Variants in CAMTA1 observed in about 807,000 individuals in gnomAD.
The protein encoded by CAMTA1 is calmodulin-binding transcription activator 1.
Under a neutral mutation model 170.9 loss-of-function variants are expected in CAMTA1, and 27 were observed. The observed-to-expected ratio is 0.16, with a 90% CI of 0.12 to 0.22. The LOEUF (loss-of-function observed/expected upper bound fraction) is 0.22, where lower values mean the gene tolerates loss of function less well. CAMTA1 is among the 10% of genes least tolerant of loss of function. CAMTA1 has a pLI of 1.00. For missense variants in CAMTA1, 1,619 were observed against 2,217.2 expected (o/e 0.73, Z 5.42); for synonymous variants, 833 against 891.5 (o/e 0.93, Z 1.17).
chr1:7,212,073 A>T (rs1658872998), intron 4 of CAMTA1, among the ~76,000 whole-genome samples: 1 of 152,236 alleles, frequency 6.6e-6, no homozygotes, highest in Non-Finnish European at 1.5e-5. Flanking sequence ...TGAAGAAAGC[A>T]AACCTACCAA....
rs894255301 is a variant in CAMTA1, at chr1:7,093,974, C to T, written c.302+2603C>T. Among the ~76,000 whole-genome samples, 1 of 152,160 alleles carries T rather than the reference C, an allele frequency of 6.6e-6. No individual in the cohort carries two copies. The highest frequency in any genetic ancestry group is 1.5e-5 in the Non-Finnish European group (1 of 68,028). ...ACGTTTCTGATTCTGCTTCCCATGC[C>T]GTCGGGTCTGTCCATGCACAGGTGT... On this transcript the variant is annotated intron_variant, in intron 4 of 22. Transcript: ENST00000303635. This position sits in a 1 kb window ranked among gnomAD's most constrained non-coding sequence, Gnocchi z 4.6.
intron 22 of CAMTA1, among the ~76,000 whole-genome samples, chr1:7,759,511 T>G (rs1243318789): frequency 6.6e-6 from 1 of 152,204 alleles, no homozygotes; most frequent in Non-Finnish European, 1.5e-5. Context: ...GGTTTTTGGT[T>G]GTTTTGTTTT....
intron 6 of CAMTA1, among the ~76,000 whole-genome samples, chr1:7,639,414 A>T (rs1340116194): frequency 1.3e-5 from 2 of 152,146 alleles, no homozygotes; most frequent in African/African-American, 4.8e-5. Context: ...GGGTGACAGA[A>T]GAGCTCTTCC....
chr1:6,823,150 G>A (rs1364939322), intron 2 of CAMTA1, among the ~76,000 whole-genome samples: 1 of 152,034 alleles, frequency 6.6e-6, no homozygotes, highest in Non-Finnish European at 1.5e-5. Flanking sequence ...ACATATCATG[G>A]GGGATTTTAA....
chr1:7,164,465 G>A (rs1180006654), intron 4 of CAMTA1, among the ~76,000 whole-genome samples: 4 of 152,330 alleles, frequency 2.6e-5, no homozygotes, highest in African/African-American at 4.8e-5. Context: ...AGCGTGGCCC[G>A]TGTTTGGGCT....
intron 4 of CAMTA1, among the ~76,000 whole-genome samples, chr1:7,120,165 C>G (rs1382670596): frequency 2.0e-5 from 3 of 152,196 alleles, no homozygotes; most frequent in Non-Finnish European, 4.4e-5. Flanking sequence ...ACAAATTACC[C>G]CACACTGAGT....
chr1:6,833,301 A>C (rs753155076), intron 3 of CAMTA1, among the ~76,000 whole-genome samples: 2 of 152,230 alleles, frequency 1.3e-5, no homozygotes, highest in Non-Finnish European at 2.9e-5. Flanking sequence ...TAACCTGGCC[A>C]TAGTCAGTGT....
chr1:7,125,424 C>T (rs1054551901), intron 4 of CAMTA1, among the ~76,000 whole-genome samples: 5 of 152,108 alleles, frequency 3.3e-5, no homozygotes, highest in Admixed American at 6.5e-5. Context: ...TGTGAAAGTT[C>T]GGAGTGATTG....
intron 3 of CAMTA1, among the ~76,000 whole-genome samples, chr1:6,877,329 G>T (rs1401466016): frequency 6.6e-6 from 1 of 152,190 alleles, no homozygotes; most frequent in East Asian, 1.9e-4. Flanking sequence ...GCACCACCAA[G>T]TGGGCTGCTT....
chr1:7,174,278 A>C (rs1162423609), intron 4 of CAMTA1, among the ~76,000 whole-genome samples: 1 of 152,250 alleles, frequency 6.6e-6, no homozygotes, highest in Admixed American at 6.5e-5. Flanking sequence ...ACTATCAACA[A>C]GGAAAATTTA....
Position 7,234,500 on chromosome 1 carries a change from G to A in CAMTA1, c.303-14991G>A, listed in dbSNP as rs1176009593. Among the ~76,000 whole-genome samples, 1 of 152,206 alleles carries A rather than the reference G, an allele frequency of 6.6e-6. No individual in the cohort carries two copies. Among genetic ancestry groups the A allele is most frequent in the Non-Finnish European group, 1.5e-5 (1 of 68,038 alleles). On this transcript the variant is annotated intron_variant, in intron 4 of 22. Coordinates refer to ENST00000303635, the MANE Select transcript of CAMTA1 (RefSeq NM_015215.4). This position sits in a 1 kb window ranked among gnomAD's most constrained non-coding sequence, Gnocchi z 5.0. ...CGGACTGCAAGCTGTGCAGAGGCAGGGCTGTGGCACCCTCAGCACCCGGCG... is the reference window on the plus strand; with the variant it reads ...CGGACTGCAAGCTGTGCAGAGGCAGAGCTGTGGCACCCTCAGCACCCGGCG...
At chr1:6,923,745 G>C (rs1033983679) in intron 3 of CAMTA1, among the ~76,000 whole-genome samples, 3 of 152,190 alleles carry the variant, frequency 2.0e-5, no homozygotes, top group African/African-American at 7.2e-5. Context: ...TTCATGGATA[G>C]TAAGCACCTG....
At chr1:7,479,249 C>T (rs1237736909) in intron 6 of CAMTA1, among the ~76,000 whole-genome samples, 1 of 152,238 alleles carries the variant, frequency 6.6e-6, no homozygotes, top group Non-Finnish European at 1.5e-5. Context: ...CTGCTTCGGA[C>T]TCCTGGCAAA....
In CAMTA1 at chr1:7,311,161, T is replaced by C. The variant is rs1023861187; in HGVS notation, c.438+61535T>C. ...TGTAGGTTTACGTCTTGTGCCAAAT[T>C]TTTGAAGTTTTTGATGATTATTTAC... On this transcript the variant is annotated intron_variant, in intron 5 of 22. Coordinates refer to ENST00000303635, the MANE Select transcript of CAMTA1 (RefSeq NM_015215.4). Among the ~76,000 whole-genome samples the C allele has an allele frequency of 2.0e-5, 3 of 152,248 alleles. No homozygotes were observed. The East Asian group carries it at 5.8e-4, about 29-fold the overall frequency.
chr1:7,586,240 C>T (rs1412604657), intron 6 of CAMTA1, among the ~76,000 whole-genome samples: 3 of 152,100 alleles, frequency 2.0e-5, no homozygotes, highest in African/African-American at 4.8e-5. Context: ...GGTGGGGATC[C>T]GCACTTGAGT....
chr1:7,032,086 C>G, intron 3 of CAMTA1, among the ~76,000 whole-genome samples: 1 of 152,122 alleles, frequency 6.6e-6, no homozygotes, highest in African/African-American at 2.4e-5. Flanking sequence ...CTCCCTCAGC[C>G]TCCTGAGTAG....
rs74053111 is a variant in CAMTA1 at position 7,618,947 on chromosome 1, C to T, written c.511-21453C>T. ...TCTCTTATCCTGATCCCAAATTAGACATAGGGAAGGGAAATAAGGGATTTA... is the reference window on the plus strand; with the variant it reads ...TCTCTTATCCTGATCCCAAATTAGATATAGGGAAGGGAAATAAGGGATTTA... On this transcript the variant is annotated intron_variant, in intron 6 of 22. Coordinates refer to ENST00000303635, the MANE Select transcript of CAMTA1 (RefSeq NM_015215.4). Among the ~76,000 whole-genome samples the T allele has an allele frequency of 3.7e-3, 556 of 151,978 alleles. 2 individuals carry two copies. Among genetic ancestry groups the T allele is most frequent in the African/African-American group, 0.013 (544 of 41,398 alleles).
chr1:7,468,009 G>A (rs900214991), intron 6 of CAMTA1, 108 bp downstream of exon 6: 1 of 867,950 alleles, frequency 1.2e-6, no homozygotes, highest in Non-Finnish European at 1.9e-6. Flanking sequence ...CGGGCTGAGA[G>A]CCCTGGTGAG....
chr1:7,759,808 C>T (rs1425989673), intron 22 of CAMTA1, among the ~76,000 whole-genome samples: 1 of 152,156 alleles, frequency 6.6e-6, no homozygotes, highest in Non-Finnish European at 1.5e-5. Flanking sequence ...GGTATTGAGA[C>T]TTGCTTGACC....
Sources: gnomAD v4.1 joint callset for allele counts (sites outside exome capture counted in the v4.1 genomes callset) on GRCh38, gnomAD v4.1.1 for gene constraint, Gnocchi (gnomAD v3.1) non-coding constraint, MANE v1.5 for transcripts, NCBI Gene and HGNC (gene_info 2026-07-23, HGNC 2026-07-21) for gene names.